CADPS: variants seen among roughly 807,000 people sequenced by gnomAD.
CADPS encodes the protein calcium-dependent secretion activator 1.
In CADPS, 57 loss-of-function variants were observed where a neutral mutation model predicts 167.3. The ratio of observed to expected loss-of-function variants is 0.34; its 90% CI spans 0.28 to 0.42. The LOEUF is 0.42. Ranked by LOEUF, CADPS falls within the 20% of genes least tolerant of loss-of-function variation. The probability of loss-of-function intolerance (pLI) is 1.00; values close to 1 mark genes in which losing one functional copy is unlikely to be tolerated. For missense variants in CADPS, 1,414 were observed against 1,738.1 expected (o/e 0.81, Z 3.32); for synonymous variants, 676 against 635.3 (o/e 1.06, Z -0.96).
chr3:62,609,171 GC>G (rs1291710034), intron 6 of CADPS, among the ~76,000 whole-genome samples: 2 of 151,842 alleles, frequency 1.3e-5, no homozygotes, highest in East Asian at 1.9e-4. Context: ...GAACCTTAAT[GC>G]TTCTAAGGTT....
At chr3:62,508,881 C>G (rs955600464) in intron 17 of CADPS, among the ~76,000 whole-genome samples, 1 of 151,854 alleles carries the variant, frequency 6.6e-6, no homozygotes, top group Admixed American at 6.6e-5. Context: ...TTCCCAAAAT[C>G]TTTCTTGGTG....
At chr3:62,407,901 T>C (rs540995794) in intron 28 of CADPS, among the ~76,000 whole-genome samples, 1 of 152,108 alleles carries the variant, frequency 6.6e-6, no homozygotes, top group African/African-American at 2.4e-5. Context: ...GTCCGGCTAA[T>C]TTTTTGTACT....
At chr3:62,647,816 G>T (rs1056680874) in intron 5 of CADPS, among the ~76,000 whole-genome samples, 5 of 152,152 alleles carry the variant, frequency 3.3e-5, no homozygotes, top group African/African-American at 4.8e-5. Context: ...CCTCTCTGAG[G>T]CTTAGTTACT....
intron 26 of CADPS, among the ~76,000 whole-genome samples, chr3:62,450,163 A>G (rs2057828803): frequency 1.3e-5 from 2 of 152,230 alleles, no homozygotes; most frequent in Non-Finnish European, 2.9e-5. Context: ...CCAGGTTACC[A>G]ACAGGTATCT....
intron 21 of CADPS, among the ~76,000 whole-genome samples, chr3:62,488,228 G>A (rs918143145): frequency 6.6e-6 from 1 of 152,134 alleles, no homozygotes; most frequent in African/African-American, 2.4e-5. Flanking sequence ...GAAGAGAAAT[G>A]AATCTGCTTC....
intron 1 of CADPS, among the ~76,000 whole-genome samples, chr3:62,857,681 C>T (rs1423232799): frequency 1.3e-5 from 2 of 151,776 alleles, no homozygotes; most frequent in Non-Finnish European, 2.9e-5. Flanking sequence ...TCTATATATC[C>T]ATGCAGATGT....
At chr3:62,519,002 C>T (rs1336047275) in intron 13 of CADPS, among the ~76,000 whole-genome samples, 2 of 152,170 alleles carry the variant, frequency 1.3e-5, no homozygotes, top group African/African-American at 2.4e-5. Flanking sequence ...ATCATATTCT[C>T]ATGGTTCTGT....
At chr3:62,607,128 T>G (rs1467654484) in intron 6 of CADPS, among the ~76,000 whole-genome samples, 1 of 152,248 alleles carries the variant, frequency 6.6e-6, no homozygotes, top group Non-Finnish European at 1.5e-5. Context: ...TTAGTTAGAA[T>G]ATCACATTAT....
At chr3:62,663,243 A>G (rs2073705663) in intron 3 of CADPS, among the ~76,000 whole-genome samples, 1 of 152,188 alleles carries the variant, frequency 6.6e-6, no homozygotes, top group African/African-American at 2.4e-5. Context: ...AACAATATGT[A>G]AGTATAGATA....
intron 18 of CADPS, among the ~76,000 whole-genome samples, chr3:62,495,940 G>C (rs954231443): frequency 6.6e-6 from 1 of 152,094 alleles, no homozygotes; most frequent in African/African-American, 2.4e-5. Flanking sequence ...ATGCCTTTAA[G>C]GATTATTGTT....
intron 6 of CADPS, among the ~76,000 whole-genome samples, chr3:62,613,047 C>A (rs2061713896): frequency 1.3e-5 from 2 of 152,084 alleles, no homozygotes; most frequent in Non-Finnish European, 2.9e-5. Flanking sequence ...GAGGCAGGAC[C>A]ACATTAGATG....
At chr3:62,652,549 G>A (rs1343224499) in intron 4 of CADPS, among the ~76,000 whole-genome samples, 1 of 152,060 alleles carries the variant, frequency 6.6e-6, no homozygotes, top group East Asian at 1.9e-4. Context: ...GACTGCAATT[G>A]GCTGGTAGAA....
At chr3:62,534,549 C>T (rs1266625305) in intron 12 of CADPS, among the ~76,000 whole-genome samples, 1 of 152,214 alleles carries the variant, frequency 6.6e-6, no homozygotes, top group Non-Finnish European at 1.5e-5. Context: ...AGAAACAACA[C>T]TGCTGTGAAA....
chr3:62,614,465 C>T (rs919378274), intron 6 of CADPS, among the ~76,000 whole-genome samples: 1 of 152,158 alleles, frequency 6.6e-6, no homozygotes, highest in Non-Finnish European at 1.5e-5. Flanking sequence ...AAGGACCTGG[C>T]CACTATGTTT....
At chr3:62,562,954 G>A (rs893504094) in intron 9 of CADPS, among the ~76,000 whole-genome samples, 4 of 152,202 alleles carry the variant, frequency 2.6e-5, no homozygotes, top group African/African-American at 4.8e-5. Context: ...CTTTTGTAAG[G>A]CTTGAGCTGC....
intron 28 of CADPS, among the ~76,000 whole-genome samples, chr3:62,435,649 T>C (rs1420104927): frequency 1.3e-5 from 2 of 152,174 alleles, no homozygotes; most frequent in Non-Finnish European, 2.9e-5. Context: ...TTGTTATCTC[T>C]AAATAAGCTC....
At chr3:62,487,376 C>G (rs2062996103) in intron 21 of CADPS, among the ~76,000 whole-genome samples, 7 of 152,176 alleles carry the variant, frequency 4.6e-5, no homozygotes, top group Admixed American at 3.9e-4. Context: ...AGGACCAAAA[C>G]CTCATATTCA....
chr3:62,545,526 C>T (rs2076322800), intron 11 of CADPS, among the ~76,000 whole-genome samples: 1 of 151,918 alleles, frequency 6.6e-6, no homozygotes, highest in Non-Finnish European at 1.5e-5. Context: ...CACAAAAAAA[C>T]TACAAAAGAA....
Position 62,601,269 on chromosome 3 carries a change from ATAGT to A in CADPS, c.1326-8525_1326-8522del, listed in dbSNP as rs1187678982. On this transcript the variant is annotated intron_variant, in intron 6 of 29. Coordinates refer to ENST00000383710, the MANE Select transcript of CADPS (RefSeq NM_003716.4). This position sits in a 1 kb window ranked among gnomAD's most constrained non-coding sequence, Gnocchi z 4.3. ...CCCATCAATAACGTTTTATTAGAAC[ATAGT>A]TAGCTTACTCATTTTTGTTTTGTCT... Among the ~76,000 whole-genome samples the A allele has an allele frequency of 5.3e-5, 8 of 152,232 alleles. No individual in the cohort carries two copies. The highest frequency in any genetic ancestry group is 7.3e-5 in the Non-Finnish European group (5 of 68,042).
Sources: allele counts gnomAD v4.1 joint callset (sites outside exome capture counted in the v4.1 genomes callset), GRCh38; gene constraint gnomAD v4.1.1; non-coding constraint Gnocchi (gnomAD v3.1); transcripts MANE v1.5; gene names NCBI Gene and HGNC (gene_info 2026-07-23, HGNC 2026-07-21).